The following ORC4 variants were observed in gnomAD, a reference collection of about 807,000 sequenced individuals.
The protein encoded by ORC4 is origin recognition complex subunit 4.
Under a neutral mutation model 63.9 loss-of-function variants are expected in ORC4, and 55 were observed. The ratio of observed to expected loss-of-function variants is 0.86; its 90% CI spans 0.69 to 1.08. ORC4 has a LOEUF of 1.08. Ranked by LOEUF, ORC4 falls within the 50% of genes least tolerant of loss-of-function variation. ORC4 has a pLI of 0.00. For missense variants in ORC4, 511 were observed against 504.4 expected, an observed-to-expected ratio of 1.01 and a Z score of -0.13; for synonymous variants, 150 against 168.5, an observed-to-expected ratio of 0.89 and a Z score of 0.85.
At chr2:147,990,455 G>A (rs1278212887) in intron 1 of ORC4, among the ~76,000 whole-genome samples, 1 of 152,204 alleles carries the variant, frequency 6.6e-6, no homozygotes, top group Non-Finnish European at 1.5e-5. Context: ...GAATGGTTGA[G>A]TGTGGGGAGA....
At chr2:147,952,617 C>T in intron 7 of ORC4, 93 bp from the exon 8 acceptor site, 1 of 983,090 alleles carries the variant, frequency 1.0e-6, no homozygotes. Context: ...TTTTAAAACT[C>T]AATTCTGTAA....
chr2:147,942,676 A>T (rs1372662456), intron 10 of ORC4, among the ~76,000 whole-genome samples: 1 of 152,100 alleles, frequency 6.6e-6, no homozygotes, highest in Admixed American at 6.6e-5. Flanking sequence ...TCTTCCTAAG[A>T]CTGGGAACAA....
chr2:147,957,245 A>G (rs550425554), intron 6 of ORC4, among the ~76,000 whole-genome samples: 62 of 147,334 alleles, frequency 4.2e-4, no homozygotes, highest in Middle Eastern at 7.2e-3. Context: ...TATATAATTA[A>G]TAATTTTATA....
chr2:147,968,275 T>TA (rs1420415321), intron 4 of ORC4, among the ~76,000 whole-genome samples: 1 of 151,620 alleles, frequency 6.6e-6, no homozygotes, highest in African/African-American at 2.4e-5. Context: ...ACAGACAACA[T>TA]AAAAAAATAG....
chr2:147,998,873 A>T (rs1307228769), intron 1 of ORC4, among the ~76,000 whole-genome samples: 1 of 152,184 alleles, frequency 6.6e-6, no homozygotes, highest in African/African-American at 2.4e-5. Flanking sequence ...GCAACCCCAA[A>T]GCATGTTTAA....
chr2:147,971,797 C>T (rs1276792197), intron 4 of ORC4, among the ~76,000 whole-genome samples: 1 of 151,664 alleles, frequency 6.6e-6, no homozygotes, highest in East Asian at 1.9e-4. Flanking sequence ...AAAATTACTG[C>T]AAATATGATT....
rs189624191 is a variant in ORC4, at chr2:148,017,745, C to A, written c.-18+2888G>T. On this transcript the variant is annotated intron_variant, in intron 1 of 13. Coordinates refer to ENST00000392857, the MANE Select transcript of ORC4 (RefSeq NM_181741.4). ...TGCGGTTAAGAAAGGTTTATGTATC[C>A]GAGTTGTTCCAAACATACAGGTTTT... Among the ~76,000 whole-genome samples, 315 of 152,188 alleles carry A rather than the reference C, an allele frequency of 2.1e-3. 1 individual carries two copies. Among genetic ancestry groups the A allele is most frequent in the South Asian group, 8.5e-3 (41 of 4,822 alleles).
intron 1 of ORC4, among the ~76,000 whole-genome samples, chr2:147,994,183 T>A (rs1016193665): frequency 1.3e-5 from 2 of 152,196 alleles, no homozygotes. Context: ...TCTATGAGGA[T>A]CACTATAAAA....
intron 2 of ORC4, 142 bp downstream of exon 2, chr2:147,975,760 T>G: frequency 1.5e-6 from 1 of 674,686 alleles, no homozygotes; most frequent in Non-Finnish European, 2.7e-6. Context: ...CTCGTTAAGG[T>G]CTCGTACTGA....
intron 1 of ORC4, among the ~76,000 whole-genome samples, chr2:148,011,044 G>A (rs1477085150): frequency 6.6e-6 from 1 of 151,882 alleles, no homozygotes; most frequent in Admixed American, 6.6e-5. Flanking sequence ...GGCCAGGCTG[G>A]TCTCAAACTC....
At position 147,972,801 on chromosome 2, in the gene ORC4, CA is replaced by C; in HGVS notation, c.162del (p.Ala55LeufsTer22). On this transcript the variant is annotated frameshift_variant, in exon 4 of 14. Transcript: ENST00000392857. LOFTEE classifies it high-confidence loss of function. Reference sequence around the variant, plus strand: ...ACAGAGTTACTCTCTCCATGGAGAGCAGTTCTTTTCAGCAGCTCACTTAAGT... The same window carrying C: ...ACAGAGTTACTCTCTCCATGGAGAGCGTTCTTTTCAGCAGCTCACTTAAGT... The part of the protein sequence containing the change: ...YKHLSELLKR[T>X]ALHGESNSVL... The C allele has an allele frequency of 1.2e-6, 2 of 1,610,688 alleles. No individual in the cohort carries two copies. The highest frequency in any genetic ancestry group is 1.7e-6 in the Non-Finnish European group (2 of 1,177,222).
chr2:148,001,034 G>C (rs538548511), intron 1 of ORC4, among the ~76,000 whole-genome samples: 6 of 152,186 alleles, frequency 3.9e-5, no homozygotes, highest in African/African-American at 1.4e-4. Context: ...AGTTTTAGAA[G>C]TATTTCCCTC....
At chr2:147,978,288 G>C (rs1364414194) in intron 1 of ORC4, among the ~76,000 whole-genome samples, 1 of 152,184 alleles carries the variant, frequency 6.6e-6, no homozygotes, top group Non-Finnish European at 1.5e-5. Context: ...GTAAGACTGT[G>C]GCTGAGTGGA....
intron 1 of ORC4, among the ~76,000 whole-genome samples, chr2:147,988,811 T>C (rs895305556): frequency 2.0e-5 from 3 of 151,776 alleles, no homozygotes; most frequent in Non-Finnish European, 1.5e-5. Flanking sequence ...AAAAAAGATT[T>C]ACTTCATCTG....
intron 13 of ORC4, among the ~76,000 whole-genome samples, chr2:147,937,280 C>T (rs1688108270): frequency 6.6e-6 from 1 of 152,124 alleles, no homozygotes; most frequent in Non-Finnish European, 1.5e-5. Context: ...TCTTCAAGAG[C>T]TGCACTGTCC....
intron 2 of ORC4, among the ~76,000 whole-genome samples, chr2:147,975,075 T>C (rs896652476): frequency 1.3e-5 from 2 of 152,118 alleles, no homozygotes; most frequent in Admixed American, 1.3e-4. Flanking sequence ...ACTACTTCCT[T>C]CAAAAAGAAA....
In ORC4 at chr2:147,959,006, T is replaced by C. The variant is rs910990420; in HGVS notation, c.226-140A>G. 11 of 554,148 alleles carry C rather than the reference T, an allele frequency of 2.0e-5. No homozygotes were observed. In the African/African-American group the frequency reaches 2.1e-4, roughly 11 times the overall value. 34.3% of individuals were successfully genotyped at this position (554,148 alleles called of 1,614,324 possible). A position where few individuals can be genotyped will look rare whatever the true frequency, so the allele number is the denominator to read the frequency against. On this transcript the variant is annotated intron_variant, in intron 4 of 13. Coordinates refer to ENST00000392857, the MANE Select transcript of ORC4 (RefSeq NM_181741.4). ...AGTAAGTTTTCAAATTCTTTACAGA[T>C]AAAAGGTTTAACTAGAACATCTCAT...
upstream of ORC4, chr2:148,021,498 A>ACTGCTG (rs1362951810): frequency 7.2e-4 from 408 of 570,500 alleles, 4 homozygotes; most frequent in South Asian, 5.9e-3. Context: ...TGCTGCTGCT[A>ACTGCTG]CTGCTGCTGC....
intron 1 of ORC4, among the ~76,000 whole-genome samples, chr2:148,017,017 A>C (rs1240193934): frequency 6.6e-6 from 1 of 152,258 alleles, no homozygotes; most frequent in Non-Finnish European, 1.5e-5. Context: ...TGACCATCAG[A>C]ATGTCTGCAT....
Sources: gnomAD v4.1 joint callset for allele counts (sites outside exome capture counted in the v4.1 genomes callset) on GRCh38, gnomAD v4.1.1 for gene constraint, MANE v1.5 for transcripts, NCBI Gene and HGNC (gene_info 2026-07-23, HGNC 2026-07-21) for gene names.